Variants in PTPRD observed in about 807,000 individuals in gnomAD.
PTPRD encodes receptor-type tyrosine-protein phosphatase delta.
PTPRD carries 34 observed loss-of-function variants against 214.5 expected under a neutral mutation model. The ratio of observed to expected loss-of-function variants is 0.16; its 90% confidence interval spans 0.12 to 0.21. The LOEUF is 0.21. Ranked by LOEUF, PTPRD falls within the 10% of genes least tolerant of loss-of-function variation. The pLI is 1.00. For missense variants in PTPRD, 2,545 were observed against 2,398.7 expected (o/e 1.06, Z -1.27); for synonymous variants, 1,128 against 845.7 (o/e 1.33, Z -5.79).
At chr9:8,969,880 C>T (rs2099226066) in intron 11 of PTPRD, among the ~76,000 whole-genome samples, 2 of 151,864 alleles carry the variant, frequency 1.3e-5, no homozygotes, top group African/African-American at 4.8e-5. Context: ...GATAGATATC[C>T]AACTACTAAT....
At chr9:8,941,246 T>A (rs2099032160) in intron 11 of PTPRD, among the ~76,000 whole-genome samples, 1 of 152,200 alleles carries the variant, frequency 6.6e-6, no homozygotes, top group Non-Finnish European at 1.5e-5. Flanking sequence ...AGGAAGCATT[T>A]ACTAAAATGC....
At chr9:8,813,267 G>C (rs1054732691) in intron 11 of PTPRD, among the ~76,000 whole-genome samples, 2 of 146,586 alleles carry the variant, frequency 1.4e-5, no homozygotes, top group Admixed American at 6.9e-5. Context: ...GGAAGGGCGG[G>C]GGGGCAGAGG....
At chr9:10,434,624 C>T (rs1010568529) in intron 2 of PTPRD, among the ~76,000 whole-genome samples, 1 of 151,840 alleles carries the variant, frequency 6.6e-6, no homozygotes, top group Non-Finnish European at 1.5e-5. Flanking sequence ...CTAACAGAGT[C>T]ACAACAAAGC....
At chr9:9,092,532 G>A (rs967655283) in intron 10 of PTPRD, among the ~76,000 whole-genome samples, 7 of 151,964 alleles carry the variant, frequency 4.6e-5, no homozygotes, top group African/African-American at 1.7e-4. Flanking sequence ...CAAATTAAGT[G>A]TAATAGTTAT....
intron 11 of PTPRD, among the ~76,000 whole-genome samples, chr9:8,954,753 A>G (rs1014673498): frequency 1.6e-4 from 25 of 151,984 alleles, no homozygotes; most frequent in African/African-American, 5.8e-4. Context: ...ATACATGATC[A>G]TGGTTTTCTC....
intron 9 of PTPRD, among the ~76,000 whole-genome samples, chr9:9,227,285 T>C (rs1486572714): frequency 1.3e-5 from 2 of 152,110 alleles, no homozygotes; most frequent in Admixed American, 6.6e-5. Context: ...CCTAGTTTCA[T>C]GTAGTGGAGT....
chr9:8,815,219 T>C (rs1275364811), intron 11 of PTPRD, among the ~76,000 whole-genome samples: 1 of 152,130 alleles, frequency 6.6e-6, no homozygotes, highest in Non-Finnish European at 1.5e-5. Flanking sequence ...TCACATCTGA[T>C]ATAAGCTGTT....
chr9:8,912,540 T>C (rs1278601649), intron 11 of PTPRD, among the ~76,000 whole-genome samples: 1 of 151,918 alleles, frequency 6.6e-6, no homozygotes, highest in Non-Finnish European at 1.5e-5. Flanking sequence ...ACTTTTGGGG[T>C]GGTGGGAATG....
At chr9:9,067,076 C>T (rs181335661) in intron 10 of PTPRD, among the ~76,000 whole-genome samples, 3 of 152,134 alleles carry the variant, frequency 2.0e-5, no homozygotes, top group Non-Finnish European at 4.4e-5. Context: ...AACCCTATCT[C>T]TACTACAAAT....
intron 3 of PTPRD, among the ~76,000 whole-genome samples, chr9:10,078,725 T>A (rs2154187128): frequency 6.6e-6 from 1 of 152,124 alleles, no homozygotes; most frequent in East Asian, 1.9e-4. Flanking sequence ...CTGATTGCTG[T>A]TTCAAAATGT....
intron 2 of PTPRD, among the ~76,000 whole-genome samples, chr9:10,577,639 G>A (rs568090121): frequency 2.0e-5 from 3 of 152,282 alleles, no homozygotes; most frequent in Middle Eastern, 3.4e-3. Context: ...GTAGCAATTT[G>A]TTACAGCAGC....
chr9:9,910,056 G>A (rs555893683), intron 5 of PTPRD, among the ~76,000 whole-genome samples: 1 of 152,042 alleles, frequency 6.6e-6, no homozygotes, highest in East Asian at 1.9e-4. Flanking sequence ...AGGTTCAAAT[G>A]CTGGCTCAAC....
intron 7 of PTPRD, among the ~76,000 whole-genome samples, chr9:9,648,915 T>A (rs1279462164): frequency 6.6e-6 from 1 of 151,966 alleles, no homozygotes; most frequent in Admixed American, 6.6e-5. Flanking sequence ...AAGCAAAGTA[T>A]AGATAACAAC....
intron 9 of PTPRD, among the ~76,000 whole-genome samples, chr9:9,260,603 AG>A (rs1261167206): frequency 6.6e-6 from 1 of 151,744 alleles, no homozygotes; most frequent in African/African-American, 2.4e-5. Context: ...AGGGTGAGGT[AG>A]GATAGGGTTG....
chr9:8,632,280 G>A (rs1484055185), intron 14 of PTPRD, among the ~76,000 whole-genome samples: 1 of 151,690 alleles, frequency 6.6e-6, no homozygotes, highest in Non-Finnish European at 1.5e-5. Flanking sequence ...AAACCAAGAT[G>A]TTTATCAAAT....
intron 10 of PTPRD, among the ~76,000 whole-genome samples, chr9:9,053,754 G>A (rs916267653): frequency 5.9e-5 from 9 of 152,142 alleles, no homozygotes; most frequent in African/African-American, 2.2e-4. Context: ...GGGTTGTAGT[G>A]TGAGTGAAAA....
intron 11 of PTPRD, among the ~76,000 whole-genome samples, chr9:8,814,354 T>C (rs2154523900): frequency 6.9e-6 from 1 of 145,112 alleles, no homozygotes; most frequent in South Asian, 2.3e-4. Context: ...AGCAAGAATG[T>C]CTTCACGGAG....
At chr9:9,261,582 G>A (rs1221361186) in intron 9 of PTPRD, among the ~76,000 whole-genome samples, 1 of 151,738 alleles carries the variant, frequency 6.6e-6, no homozygotes, top group Non-Finnish European at 1.5e-5. Context: ...GGGGGAAGGG[G>A]TGGCGGTTGG....
chr9:10,492,819 T>G (rs2040775310), intron 2 of PTPRD, among the ~76,000 whole-genome samples: 1 of 152,142 alleles, frequency 6.6e-6, no homozygotes, highest in South Asian at 2.1e-4. Context: ...TGCCTAGACT[T>G]TCTTTCAGGG....
Sources: gnomAD v4.1 joint callset for allele counts (sites outside exome capture counted in the v4.1 genomes callset) on GRCh38, gnomAD v4.1.1 for gene constraint, MANE v1.5 for transcripts, NCBI Gene and HGNC (gene_info 2026-07-23, HGNC 2026-07-21) for gene names.